ROBO2: variants seen among roughly 807,000 people sequenced by gnomAD.
The protein encoded by ROBO2 is roundabout guidance receptor 2, also known as roundabout homolog 2.
ROBO2 carries 53 observed loss-of-function variants against 160.8 expected under a neutral mutation model. The ratio of observed to expected loss-of-function variants is 0.33; its 90% CI spans 0.26 to 0.41. ROBO2 has a LOEUF of 0.41. Ranked by LOEUF, ROBO2 falls within the 10% of genes least tolerant of loss-of-function variation. The pLI, the probability that ROBO2 is intolerant of heterozygous loss-of-function variation, is 1.00. For missense variants in ROBO2, 1,577 were observed against 1,722.4 expected, an observed-to-expected ratio of 0.92 and a Z score of 1.49; for synonymous variants, 664 against 611.7, an observed-to-expected ratio of 1.09 and a Z score of -1.26.
At chr3:76,213,289 G>T (rs375534208) in intron 2 of ROBO2, among the ~76,000 whole-genome samples, 3 of 151,598 alleles carry the variant, frequency 2.0e-5, no homozygotes. Context: ...AGAGAAGAAA[G>T]GAAAAAATAT....
chr3:77,309,026 G>A (rs1254975185), intron 2 of ROBO2, among the ~76,000 whole-genome samples: 2 of 150,514 alleles, frequency 1.3e-5, no homozygotes, highest in Admixed American at 6.6e-5. Flanking sequence ...GATGGGCATA[G>A]GTACCCATAT....
At chr3:77,284,963 G>A (rs536453391) in intron 2 of ROBO2, among the ~76,000 whole-genome samples, 2 of 152,214 alleles carry the variant, frequency 1.3e-5, no homozygotes, top group East Asian at 3.9e-4. Flanking sequence ...CAAGATTAAC[G>A]CTTTTGTGTC....
chr3:76,801,964 G>A (rs953302370), intron 2 of ROBO2, among the ~76,000 whole-genome samples: 3 of 152,132 alleles, frequency 2.0e-5, no homozygotes, highest in Non-Finnish European at 4.4e-5. Flanking sequence ...ATGAGGGGAT[G>A]GCTGGTCAGA....
intron 2 of ROBO2, among the ~76,000 whole-genome samples, chr3:76,818,976 C>T (rs2065904106): frequency 6.6e-6 from 1 of 151,906 alleles, no homozygotes; most frequent in Middle Eastern, 3.2e-3. Flanking sequence ...ACTCTTCATC[C>T]TCAAACTGTC....
At chr3:77,480,606 T>C (rs752473528) in intron 3 of ROBO2, among the ~76,000 whole-genome samples, 7 of 152,268 alleles carry the variant, frequency 4.6e-5, no homozygotes, top group Middle Eastern at 6.8e-3. Flanking sequence ...AGTTGAAATG[T>C]GAATTCTAGG....
intron 2 of ROBO2, among the ~76,000 whole-genome samples, chr3:76,989,255 T>C (rs1277702517): frequency 2.0e-5 from 3 of 152,104 alleles, no homozygotes; most frequent in African/African-American, 7.2e-5. Context: ...GCACTTTGCA[T>C]GGGATATTAT....
intron 6 of ROBO2, chr3:77,527,412 T>G: frequency 7.8e-7 from 1 of 1,288,206 alleles, no homozygotes; most frequent in Non-Finnish European, 1.0e-6. Context: ...GCTCGCCCTG[T>G]TGGTAAGTAG....
intron 2 of ROBO2, among the ~76,000 whole-genome samples, chr3:76,947,172 G>A (rs2078605891): frequency 6.6e-6 from 1 of 151,760 alleles, no homozygotes; most frequent in Admixed American, 6.6e-5. Context: ...GGAAAATGAG[G>A]TTTACATTAG....
chr3:76,148,412 A>T (rs1388846912), intron 2 of ROBO2, among the ~76,000 whole-genome samples: 1 of 152,016 alleles, frequency 6.6e-6, no homozygotes, highest in East Asian at 1.9e-4. Context: ...TATATGGTCT[A>T]AGTACTCTGG....
intron 2 of ROBO2, among the ~76,000 whole-genome samples, chr3:76,244,457 AC>A (rs1705493087): frequency 6.6e-6 from 1 of 152,134 alleles, no homozygotes; most frequent in South Asian, 2.1e-4. Context: ...TATGGTAGAA[AC>A]CATTTATGTG....
chr3:76,233,378 A>G (rs940246803), intron 2 of ROBO2, among the ~76,000 whole-genome samples: 4 of 152,056 alleles, frequency 2.6e-5, no homozygotes, highest in African/African-American at 9.7e-5. Flanking sequence ...TCCTGACCTG[A>G]GGTGATCCGC....
intron 2 of ROBO2, among the ~76,000 whole-genome samples, chr3:76,528,394 G>A (rs1444920913): frequency 2.0e-5 from 3 of 152,016 alleles, no homozygotes; most frequent in East Asian, 1.9e-4. Context: ...ATAGTAGTAG[G>A]AAGTGGTTAG....
At chr3:77,419,205 A>G (rs1049405315) in intron 2 of ROBO2, among the ~76,000 whole-genome samples, 1 of 152,092 alleles carries the variant, frequency 6.6e-6, no homozygotes, top group African/African-American at 2.4e-5. Context: ...ATCATAGAAA[A>G]CGTTAAATCA....
At chr3:76,049,100 G>A (rs1288149475) in intron 2 of ROBO2, among the ~76,000 whole-genome samples, 1 of 152,152 alleles carries the variant, frequency 6.6e-6, no homozygotes, top group African/African-American at 2.4e-5. Context: ...TTCTCAGGAT[G>A]AGGGACCCTA....
chr3:77,223,157 T>G (rs1190264442), intron 2 of ROBO2, among the ~76,000 whole-genome samples: 2 of 152,202 alleles, frequency 1.3e-5, no homozygotes, highest in African/African-American at 4.8e-5. Flanking sequence ...TACACTGTTT[T>G]AGTTATGAAG....
At chr3:77,100,811 G>A (rs2071812607) in intron 2 of ROBO2, among the ~76,000 whole-genome samples, 1 of 152,114 alleles carries the variant, frequency 6.6e-6, no homozygotes, top group Admixed American at 6.5e-5. Flanking sequence ...AATCCGGAGG[G>A]AAGACATTTA....
chr3:76,853,497 G>A (rs1198381253), intron 2 of ROBO2, among the ~76,000 whole-genome samples: 1 of 152,080 alleles, frequency 6.6e-6, no homozygotes, highest in African/African-American at 2.4e-5. Flanking sequence ...TGGATCCATG[G>A]ATAGCCTTAG....
At chr3:77,291,633 AGC>A (rs2061278203) in intron 2 of ROBO2, among the ~76,000 whole-genome samples, 1 of 150,774 alleles carries the variant, frequency 6.6e-6, no homozygotes, top group South Asian at 2.1e-4. Flanking sequence ...TAAATGGGTA[AGC>A]TGAGGCTAGA....
chr3:76,379,066 G>A (rs2076493012), intron 2 of ROBO2, among the ~76,000 whole-genome samples: 1 of 152,120 alleles, frequency 6.6e-6, no homozygotes, highest in South Asian at 2.1e-4. Flanking sequence ...ATGGAGGGTG[G>A]TGGGGACAGA....
Sources: gnomAD v4.1 joint callset for allele counts (sites outside exome capture counted in the v4.1 genomes callset) on GRCh38, gnomAD v4.1.1 for gene constraint, MANE v1.5 for transcripts, NCBI Gene and HGNC (gene_info 2026-07-23, HGNC 2026-07-21) for gene names.